Variants in PLCXD2 observed in about 807,000 individuals in gnomAD.
PLCXD2 encodes the protein phosphatidylinositol specific phospholipase C X domain containing 2.
PLCXD2 carries 21 observed loss-of-function variants against 28.6 expected under a neutral mutation model. The observed-to-expected ratio is 0.73, with a 90% CI of 0.52 to 1.06. The LOEUF is 1.06. Ranked by LOEUF, PLCXD2 falls within the 50% of genes least tolerant of loss-of-function variation. PLCXD2 has a pLI of 0.00. For synonymous variants in PLCXD2, 140 were observed against 150.1 expected (o/e 0.93, Z 0.49); for missense variants, 369 against 376.7 (o/e 0.98, Z 0.17).
At chr3:111,715,117 T>C (rs997490204) in intron 3 of PLCXD2, among the ~76,000 whole-genome samples, 1 of 152,222 alleles carries the variant, frequency 6.6e-6, no homozygotes, top group African/African-American at 2.4e-5. Flanking sequence ...TCTTTCTTGG[T>C]GAGAGCTCCT....
chr3:111,725,861 C>T, intron 3 of PLCXD2: 1 of 398,578 alleles, frequency 2.5e-6, no homozygotes, highest in Non-Finnish European at 4.4e-6. Flanking sequence ...TCATAGAATA[C>T]TACTTTTTCC....
intron 3 of PLCXD2, chr3:111,720,974 T>C: frequency 4.9e-6 from 2 of 410,990 alleles, no homozygotes; most frequent in Non-Finnish European, 8.9e-6. Flanking sequence ...GGGGCAGTGA[T>C]GATGAAGTAA....
chr3:111,675,074 G>A lies in PLCXD2; in HGVS notation c.-172G>A, dbSNP rs1940598901. On this transcript the variant is annotated 5_prime_UTR_variant, in exon 1 of 5. The change creates a new upstream start codon in the 5' untranslated region. Coordinates refer to ENST00000477665, the MANE Select transcript of PLCXD2 (RefSeq NM_001185106.1). ...GGCTGGGCCGGAGAGAGTGGGGACT[G>A]TGAGTGCTAGTGGGTAAGGATCCAT... 6.0e-6 allele frequency: 4 copies of A among 667,528 alleles called. No individual in the cohort carries two copies. The allele number at this position is 667,528 out of a possible 1,614,324, so 41.4% of individuals were successfully genotyped here. A position where few individuals can be genotyped will look rare whatever the true frequency, so the allele number is the denominator to read the frequency against.
chr3:111,712,714 G>C (rs920663192), intron 2 of PLCXD2, among the ~76,000 whole-genome samples: 1 of 152,172 alleles, frequency 6.6e-6, no homozygotes, highest in Non-Finnish European at 1.5e-5. Context: ...TTGGGTGCCC[G>C]GGAGGATTAC....
chr3:111,683,078 G>A (rs547023114), intron 1 of PLCXD2, among the ~76,000 whole-genome samples: 2 of 152,254 alleles, frequency 1.3e-5, no homozygotes, highest in Admixed American at 6.5e-5. Context: ...TTAGAAGAAA[G>A]CCAAAATTCA....
At chr3:111,684,471 T>A (rs1461724093) in intron 1 of PLCXD2, among the ~76,000 whole-genome samples, 1 of 151,750 alleles carries the variant, frequency 6.6e-6, no homozygotes, top group Admixed American at 6.6e-5. Context: ...CTGGCCAACA[T>A]GGTGAAACCC....
intron 2 of PLCXD2, among the ~76,000 whole-genome samples, chr3:111,711,455 C>A (rs371906515): frequency 2.3e-3 from 354 of 152,272 alleles, no homozygotes; most frequent in African/African-American, 8.1e-3. Flanking sequence ...AGATTTCAAA[C>A]AGAGGCACCA....
rs779661439 is a variant in PLCXD2, at chr3:111,708,134, C to T, written c.372C>T (p.Ala124=). The T allele has an allele frequency of 3.7e-6, 6 of 1,614,170 alleles. No individual in the cohort carries two copies. In the South Asian group the frequency reaches 4.4e-5, roughly 12 times the overall value. ...GTGTGTCTTCCAAACCAGGGGATGC[C>T]GACCAGGAGATCTACTTCATCCATG... Residue 124 remains alanine (A), a synonymous_variant, in exon 2 of 5, where the codon GCC becomes GCT. Transcript: ENST00000477665.
intron 1 of PLCXD2, among the ~76,000 whole-genome samples, chr3:111,694,888 G>C (rs1245234538): frequency 1.3e-5 from 2 of 152,048 alleles, no homozygotes; most frequent in African/African-American, 4.8e-5. Flanking sequence ...CCAGAAACTT[G>C]GCCTGCTGAT....
chr3:111,687,836 C>T (rs564681141), intron 1 of PLCXD2, among the ~76,000 whole-genome samples: 1 of 152,174 alleles, frequency 6.6e-6, no homozygotes, highest in South Asian at 2.1e-4. Context: ...AGGCACATGC[C>T]ATCACACCTG....
chr3:111,707,869 CT>C, intron 1 of PLCXD2, 56 bp from the exon 2 acceptor site: 1 of 1,462,382 alleles, frequency 6.8e-7, no homozygotes, highest in Non-Finnish European at 9.2e-7. Flanking sequence ...CATCAATTGG[CT>C]TATTTTTCCC....
In PLCXD2 at chr3:111,708,129, G is replaced by C; in HGVS notation, c.367G>C (p.Asp123His). 1 of 1,614,218 alleles carries C rather than the reference G, an allele frequency of 6.2e-7. No homozygotes were observed. Among genetic ancestry groups the C allele is most frequent in the Admixed American group, 1.7e-5 (1 of 60,024 alleles). The change falls in exon 2 of 5, where the codon GAT becomes CAT. Residue 123 changes from aspartate to histidine, a missense_variant. Transcript: ENST00000477665. Reference sequence around the variant, plus strand: ...CCTGCGTGTGTCTTCCAAACCAGGGGATGCCGACCAGGAGATCTACTTCAT... The same window carrying C: ...CCTGCGTGTGTCTTCCAAACCAGGGCATGCCGACCAGGAGATCTACTTCAT...
At chr3:111,719,515 A>C (rs1941317828) in intron 3 of PLCXD2, among the ~76,000 whole-genome samples, 1 of 152,246 alleles carries the variant, frequency 6.6e-6, no homozygotes, top group African/African-American at 2.4e-5. Context: ...GAAACTGGAT[A>C]CACAAACTGC....
intron 3 of PLCXD2, chr3:111,721,231 T>C (rs1454397106): frequency 6.3e-6 from 1 of 157,852 alleles, no homozygotes; most frequent in Non-Finnish European, 1.4e-5. Context: ...CTCCCTATTG[T>C]CGTCTGGGGT....
chr3:111,700,440 T>C (rs1941024984), intron 1 of PLCXD2, among the ~76,000 whole-genome samples: 1 of 152,170 alleles, frequency 6.6e-6, no homozygotes, highest in Non-Finnish European at 1.5e-5. Context: ...TATAGAACAT[T>C]AAGGAGGGAC....
In PLCXD2 at chr3:111,685,794, G is replaced by T. The variant is rs140222000; in HGVS notation, c.163+10386G>T. On this transcript the variant is annotated intron_variant, in intron 1 of 4. Coordinates refer to ENST00000477665, the MANE Select transcript of PLCXD2 (RefSeq NM_001185106.1). ...GTAGCAGAATAGAAGAATTTCTTGT[G>T]AATGAATTATCTACAATGTCTTATT... 1.5e-3 allele frequency among the ~76,000 whole-genome samples: 235 copies of T among 152,344 alleles called. 1 individual carries two copies. Among genetic ancestry groups the T allele is most frequent in the Admixed American group, 6.6e-3 (101 of 15,306 alleles).
chr3:111,689,827 C>T (rs974573058), intron 1 of PLCXD2, among the ~76,000 whole-genome samples: 1 of 152,158 alleles, frequency 6.6e-6, no homozygotes, highest in Non-Finnish European at 1.5e-5. Context: ...CAAGTAGTAA[C>T]GCCTAAGGTA....
intron 1 of PLCXD2, among the ~76,000 whole-genome samples, chr3:111,705,425 G>A (rs759927983): frequency 1.3e-5 from 2 of 152,116 alleles, no homozygotes; most frequent in Non-Finnish European, 2.9e-5. Context: ...GAATATTTAG[G>A]TTGATTTCAT....
At chr3:111,691,881 A>C (rs1456655490) in intron 1 of PLCXD2, among the ~76,000 whole-genome samples, 1 of 152,240 alleles carries the variant, frequency 6.6e-6, no homozygotes, top group East Asian at 1.9e-4. Context: ...GAGATCATGT[A>C]AGTAAAATGC....
Sources: allele counts gnomAD v4.1 joint callset (sites outside exome capture counted in the v4.1 genomes callset), GRCh38; gene constraint gnomAD v4.1.1; transcripts MANE v1.5; gene names NCBI Gene and HGNC (gene_info 2026-07-23, HGNC 2026-07-21).